Variants in PRAC2 observed in about 807,000 individuals in gnomAD.
The protein encoded by PRAC2 is protein PRAC2.
For synonymous variants in PRAC2, 43 were observed against 49.5 expected (o/e 0.87, Z 0.55); for missense variants, 92 against 114.5 (o/e 0.80, Z 0.90).
At chr17:48,719,245 G>GCA (rs1302074795), upstream of PRAC2, among the ~76,000 whole-genome samples, 2 of 130,146 alleles carry the variant, frequency 1.5e-5, no homozygotes, top group African/African-American at 6.2e-5. Context: ...ACACACACAC[G>GCA]CACACGCAGC....
upstream of PRAC2, chr17:48,721,723 CT>C (rs540313015): frequency 3.1e-4 from 412 of 1,326,352 alleles, 1 homozygote; most frequent in African/African-American, 5.7e-3. Context: ...ACCCAGTTTC[CT>C]TTTTTAAAAA....
At chr17:48,721,905 A>C (rs377140179), upstream of PRAC2, 2 of 1,501,700 alleles carry the variant, frequency 1.3e-6, no homozygotes, top group African/African-American at 2.8e-5. Flanking sequence ...GTTTTCTAAA[A>C]TATTTTACAA....
upstream of PRAC2, among the ~76,000 whole-genome samples, chr17:48,721,436 G>C (rs1483651333): frequency 6.6e-6 from 1 of 152,126 alleles, no homozygotes; most frequent in Non-Finnish European, 1.5e-5. Context: ...AGCAATTCTT[G>C]TGCTTCAGCC....
upstream of PRAC2, among the ~76,000 whole-genome samples, chr17:48,722,777 C>G (rs541511311): frequency 1.9e-4 from 29 of 152,330 alleles, no homozygotes; most frequent in African/African-American, 6.5e-4. Flanking sequence ...CCTCACCTTC[C>G]TCCCTCTTCC....
At chr17:48,719,094 C>A (rs2038120852), upstream of PRAC2, among the ~76,000 whole-genome samples, 1 of 152,188 alleles carries the variant, frequency 6.6e-6, no homozygotes, top group African/African-American at 2.4e-5. Flanking sequence ...CCGGCGCGCC[C>A]TGTTCACCTT....
At chr17:48,718,694 G>T (rs1257959561), upstream of PRAC2, among the ~76,000 whole-genome samples, 1 of 152,138 alleles carries the variant, frequency 6.6e-6, no homozygotes, top group South Asian at 2.1e-4. Flanking sequence ...TCTTTTCCCC[G>T]AAGGTCAGAC....
At chr17:48,720,171 A>G (rs2038131508), upstream of PRAC2, among the ~76,000 whole-genome samples, 1 of 152,192 alleles carries the variant, frequency 6.6e-6, no homozygotes, top group African/African-American at 2.4e-5. Context: ...TTTGGCGAGT[A>G]GTGCGGGTGT....
intron 1 of PRAC2, chr17:48,723,580 C>T: frequency 4.7e-6 from 3 of 634,194 alleles, no homozygotes; most frequent in Non-Finnish European, 6.8e-6. Flanking sequence ...GGCTTTCCAG[C>T]TTCCGGCCCG....
At chr17:48,722,232 T>C (rs2038153324), upstream of PRAC2, 6 of 1,162,810 alleles carry the variant, frequency 5.2e-6, no homozygotes, top group South Asian at 7.7e-5. Context: ...CCCAAATTCC[T>C]GGGAGACCCT....
upstream of PRAC2, among the ~76,000 whole-genome samples, chr17:48,718,959 T>C (rs12103839): frequency 0.48 from 73,087 of 151,910 alleles, 18,100 homozygotes; most frequent in African/African-American, 0.6. Flanking sequence ...CTTTTCGTTG[T>C]CTCGCCCGAT....
chr17:48,723,712 C>G, intron 1 of PRAC2: 4 of 1,231,770 alleles, frequency 3.2e-6, no homozygotes, highest in Non-Finnish European at 4.0e-6. Flanking sequence ...AAGATGGAGC[C>G]TCAGGTTCGC....
At position 48,723,872 on chromosome 17, in the gene PRAC2, C is replaced by G. The variant is rs140270477; in HGVS notation, c.-83-456C>G. The G allele has an allele frequency of 2.7e-3, 2,301 of 853,934 alleles. 5 individuals carry two copies. The highest frequency in any genetic ancestry group is 6.9e-3 in the Middle Eastern group (17 of 2,470). The allele number at this position is 853,934 out of a possible 1,614,324, so 52.9% of individuals were successfully genotyped here. ...TAGAAATTATTTCGGGCCTGGAGCC[C>G]GCGTAGACGCGACCCTGTGATCCCA... On this transcript the variant is annotated intron_variant, in intron 1 of 1. Transcript: ENST00000422730.
upstream of PRAC2, chr17:48,721,876 T>C (rs1437016958): frequency 6.5e-7 from 1 of 1,532,786 alleles, no homozygotes; most frequent in South Asian, 1.3e-5. Context: ...TCTCGCCCAG[T>C]AGATGTTTCA....
At chr17:48,720,003 G>A (rs2038129963), upstream of PRAC2, among the ~76,000 whole-genome samples, 1 of 152,174 alleles carries the variant, frequency 6.6e-6, no homozygotes, top group Admixed American at 6.5e-5. Flanking sequence ...GAGGTGCGGC[G>A]AGCTTCAGCC....
At chr17:48,723,029 C>T (rs998936701), upstream of PRAC2, 1 of 153,418 alleles carries the variant, frequency 6.5e-6, no homozygotes, top group Admixed American at 6.5e-5. Flanking sequence ...CCCTCCCCCT[C>T]ATCCCCTCTA....
chr17:48,718,771 G>A (rs570265706), upstream of PRAC2, among the ~76,000 whole-genome samples: 157 of 152,318 alleles, frequency 1.0e-3, no homozygotes, highest in Non-Finnish European at 1.7e-3. Context: ...AGTTGAGGAG[G>A]AGAAGACCGC....
chr17:48,719,957 G>T (rs2038129378), upstream of PRAC2, among the ~76,000 whole-genome samples: 1 of 152,150 alleles, frequency 6.6e-6, no homozygotes, highest in Non-Finnish European at 1.5e-5. Context: ...TTTATAGCCT[G>T]ACTCAAGTTC....
At chr17:48,721,984 T>C (rs1238979389), upstream of PRAC2, 39 of 1,348,992 alleles carry the variant, frequency 2.9e-5, no homozygotes, top group East Asian at 5.2e-5. Context: ...CTCCATCCCA[T>C]TGGAGACAAA....
At chr17:48,721,753 G>A, upstream of PRAC2, 1 of 1,441,426 alleles carries the variant, frequency 6.9e-7, no homozygotes. Flanking sequence ...TGTATAAATA[G>A]AGACAGCGTC....
Sources: gnomAD v4.1 joint callset for allele counts (sites outside exome capture counted in the v4.1 genomes callset) on GRCh38, gnomAD v4.1.1 for gene constraint, MANE v1.5 for transcripts, NCBI Gene and HGNC (gene_info 2026-07-23, HGNC 2026-07-21) for gene names.